CLEC14A: variants seen among roughly 807,000 people sequenced by gnomAD.
CLEC14A encodes the protein C-type lectin domain containing 14A.
For missense variants in CLEC14A, 682 were observed against 659.9 expected, an observed-to-expected ratio of 1.03 and a Z score of -0.37; for synonymous variants, 349 against 292.0, an observed-to-expected ratio of 1.20 and a Z score of -1.99.
chr14:38,255,191 C>G lies in CLEC14A; in HGVS notation c.832G>C (p.Glu278Gln). The G allele has an allele frequency of 6.2e-7, 1 of 1,613,844 alleles. No homozygotes were observed. The highest frequency in any genetic ancestry group is 8.5e-7 in the Non-Finnish European group (1 of 1,180,028). Reference protein sequence around the residue: ...GFACECATGFELGKDGRSCVT... With the variant: ...GFACECATGFQLGKDGRSCVT... ...CAAGAGCGGCCGTCCTTCCCCAGCT[C>G]GAAGCCCGTAGCACATTCGCAGGCA... The change falls in exon 1 of 1, where the codon GAG becomes CAG. Residue 278 changes from glutamate to glutamine, a missense_variant. Transcript: ENST00000342213. This position sits in a 1 kb window ranked among gnomAD's most constrained non-coding sequence, Gnocchi z 5.1.
At position 38,254,312 on chromosome 14, in the gene CLEC14A, ATATCTCTCCCCAGCAC is replaced by A. The variant is rs1423272352; in HGVS notation, c.*222_*237del. ...AAATTCTCCGAATAAACATAAGAAA[ATATCTCTCCCCAGCAC>A]TACCCGGTCCCCCAGTATCACCATC... On this transcript the variant is annotated 3_prime_UTR_variant, in exon 1 of 1. Coordinates refer to ENST00000342213, the MANE Select transcript of CLEC14A (RefSeq NM_175060.3). 16 of 399,906 alleles carry A rather than the reference ATATCTCTCCCCAGCAC, an allele frequency of 4.0e-5. No homozygotes were observed. Among genetic ancestry groups the A allele is most frequent in the Non-Finnish European group, 6.6e-5 (15 of 226,318 alleles). The allele number at this position is 399,906 out of a possible 1,614,324, so 24.8% of individuals were successfully genotyped here.
At position 38,255,032 on chromosome 14, in the gene CLEC14A, G is replaced by A. The variant is rs370505658; in HGVS notation, c.991C>T (p.Pro331Ser). 26 of 1,613,712 alleles carry A rather than the reference G, an allele frequency of 1.6e-5. No homozygotes were observed. The highest frequency in any genetic ancestry group is 1.1e-4 in the East Asian group (5 of 44,864). Residue 331 changes from proline (P) to serine (S), a missense_variant, in exon 1 of 1, where the codon CCA becomes TCA. Transcript: ENST00000342213. The surrounding 1 kb of genome is among the most constrained non-coding windows in gnomAD (Gnocchi z 5.1). ...IRVDEKLGET[P>S]LVPEQDNSVT... ...GAATTGTCTTGTTCAGGGACAAGTG[G>A]TGTCTCTCCCAGCTTCTCGTCGACC...
In CLEC14A at chr14:38,255,917, C is replaced by T. The variant is rs1884048142; in HGVS notation, c.106G>A (p.Ala36Thr). The change falls in exon 1 of 1, where the codon GCC becomes ACC. Residue 36 changes from alanine to threonine, a missense_variant. By Grantham distance (58) the Ala-to-Thr change is moderately conservative. Transcript: ENST00000342213. The surrounding 1 kb of genome is among the most constrained non-coding windows in gnomAD (Gnocchi z 5.1). Reference protein sequence around the residue: ...ADRAGCSASGACYSLHHATMK... With the variant: ...ADRAGCSASGTCYSLHHATMK... Reference sequence around the variant, plus strand: ...GTAGCGTGGTGCAGGCTGTAGCAGGCCCCCGAGGCCGAGCAGCCAGCACGG... The same window carrying T: ...GTAGCGTGGTGCAGGCTGTAGCAGGTCCCCGAGGCCGAGCAGCCAGCACGG... 6.4e-7 allele frequency: 1 copy of T among 1,565,800 alleles called. No homozygotes were observed. Among genetic ancestry groups the T allele is most frequent in the East Asian group, 2.4e-5 (1 of 42,446 alleles).
In CLEC14A at chr14:38,255,681, G is replaced by A. The variant is rs1458805792; in HGVS notation, c.342C>T (p.Ser114=). Residue 114 remains serine (S), a synonymous_variant, in exon 1 of 1, where the codon TCC becomes TCT. Transcript: ENST00000342213. The surrounding 1 kb of genome is among the most constrained non-coding windows in gnomAD (Gnocchi z 5.1). The part of the protein sequence containing the change: ...TLENEPLRGF[S]WLSSDPGGLE... ...GACCGCCGGGGTCGGAGGACAGCCA[G>A]GAGAAACCCCGCAAAGGCTCGTTCT... is the stretch of plus-strand genomic sequence containing the variant. 6.3e-7 allele frequency: 1 copy of A among 1,593,768 alleles called. No homozygotes were observed. The highest frequency in any genetic ancestry group is 8.5e-7 in the Non-Finnish European group (1 of 1,172,978).
rs759225727 is a variant in CLEC14A, at chr14:38,254,676, G to A, written c.1347C>T (p.Pro449=). ...GTGCAGAACTGGAGCCCAAAGCAGC[G>A]GGCTCAGGATCACTCTCCAGGCCCG... ...GPPGLESDPE[P]AALGSSSAHC... The change falls in exon 1 of 1, where the codon CCC becomes CCT. Residue 449 remains proline, a synonymous_variant. Coordinates refer to ENST00000342213, the MANE Select transcript of CLEC14A (RefSeq NM_175060.3). The A allele has an allele frequency of 1.9e-6, 3 of 1,614,146 alleles. No individual in the cohort carries two copies. Among genetic ancestry groups the A allele is most frequent in the East Asian group, 2.2e-5 (1 of 44,878 alleles).
In CLEC14A at chr14:38,254,730, G is replaced by C. The variant is rs977270113; in HGVS notation, c.1293C>G (p.Ser431=). The change falls in exon 1 of 1, where the codon TCC becomes TCG. Residue 431 remains serine, a synonymous_variant. Transcript: ENST00000342213. The stretch of plus-strand genomic sequence containing the variant: ...GGCCCATAGACTCCTTCCTTGGCTG[G>C]GAAGAGGGGCTTTCGTGAAAGCAGA... ...VKLCFHESPS[S]QPRKESMGPP... 6.2e-7 allele frequency: 1 copy of C among 1,613,966 alleles called. No individual in the cohort carries two copies. The highest frequency in any genetic ancestry group is 1.3e-5 in the African/African-American group (1 of 74,904).
Position 38,256,028 on chromosome 14 carries a change from G to A in CLEC14A, c.-6C>T. The A allele has an allele frequency of 6.6e-7, 1 of 1,516,980 alleles. No individual in the cohort carries two copies. The highest frequency in any genetic ancestry group is 8.8e-7 in the Non-Finnish European group (1 of 1,133,508). 94.0% of individuals were successfully genotyped at this position (1,516,980 alleles called of 1,614,324 possible). A position where few individuals can be genotyped will look rare whatever the true frequency, so the allele number is the denominator to read the frequency against. On this transcript the variant is annotated 5_prime_UTR_variant, in exon 1 of 1. Coordinates refer to ENST00000342213, the MANE Select transcript of CLEC14A (RefSeq NM_175060.3). ...AGGGCGAACGCCGGCCTCATTCTCT[G>A]AGGCCCCGCACGCAGAGCTGCTCCC...
In CLEC14A at chr14:38,255,952, G is replaced by A. The variant is rs775176720; in HGVS notation, c.71C>T (p.Pro24Leu). The A allele has an allele frequency of 1.3e-3, 2,064 of 1,556,692 alleles. 5 individuals are homozygous for A. The highest frequency in any genetic ancestry group is 1.6e-3 in the Non-Finnish European group (1,807 of 1,153,640). The change falls in exon 1 of 1, where the codon CCC becomes CTC. Residue 24 changes from proline to leucine, a missense_variant. By Grantham distance (98) the Pro-to-Leu change is moderately conservative. Coordinates refer to ENST00000342213, the MANE Select transcript of CLEC14A (RefSeq NM_175060.3). The surrounding 1 kb of genome is among the most constrained non-coding windows in gnomAD (Gnocchi z 5.1). ...CGAGCAGCCAGCACGGTCGGCAGTG[G>A]GGTGTTCGCCGCCGCCCGGCCCGGG... is the stretch of plus-strand genomic sequence containing the variant. ...LWPGPGGGEH[P>L]TADRAGCSAS...
chr14:38,255,206 A>G lies in CLEC14A; in HGVS notation c.817T>C (p.Cys273Arg). The G allele has an allele frequency of 6.2e-7, 1 of 1,613,912 alleles. No individual in the cohort carries two copies. The change falls in exon 1 of 1, where the codon TGT becomes CGT. Residue 273 changes from cysteine (C) to arginine (R), a missense_variant. By Grantham distance (180) the Cys-to-Arg change is radical. Transcript: ENST00000342213. This position sits in a 1 kb window ranked among gnomAD's most constrained non-coding sequence, Gnocchi z 5.1. ...TTCCCCAGCTCGAAGCCCGTAGCACATTCGCAGGCAAAGCCTCCCAAGTCG... is the reference window on the plus strand; with the variant it reads ...TTCCCCAGCTCGAAGCCCGTAGCACGTTCGCAGGCAAAGCCTCCCAAGTCG... Reference protein sequence around the residue: ...LDDLGGFACECATGFELGKDG... With the variant: ...LDDLGGFACERATGFELGKDG...
chr14:38,255,813 C>A lies in CLEC14A; in HGVS notation c.210G>T (p.Leu70=). ...ALSTVRAGAE[L]RAVLALLRAG... ...CCCGCAGGAGCGCGAGCACAGCGCG[C>A]AGCTCGGCGCCCGCACGCACGGTGC... The change falls in exon 1 of 1, where the codon CTG becomes CTT. Residue 70 remains leucine, a synonymous_variant. Transcript: ENST00000342213. This position sits in a 1 kb window ranked among gnomAD's most constrained non-coding sequence, Gnocchi z 5.1. 4 of 1,539,544 alleles carry A rather than the reference C, an allele frequency of 2.6e-6. No individual in the cohort carries two copies. The highest frequency in any genetic ancestry group is 3.5e-6 in the Non-Finnish European group (4 of 1,147,760).
chr14:38,255,158 T>G lies in CLEC14A; in HGVS notation c.865A>C (p.Ser289Arg). 6.2e-7 allele frequency: 1 copy of G among 1,613,472 alleles called. No homozygotes were observed. Among genetic ancestry groups the G allele is most frequent in the Non-Finnish European group, 8.5e-7 (1 of 1,180,002 alleles). ...LGKDGRSCVT[S>R]GEGQPTLGGT... ...CCAAGGGTCGGCTGTCCTTCCCCACTGGTCACACAAGAGCGGCCGTCCTTC... is the reference window on the plus strand; with the variant it reads ...CCAAGGGTCGGCTGTCCTTCCCCACGGGTCACACAAGAGCGGCCGTCCTTC... The change falls in exon 1 of 1, where the codon AGT (serine) becomes CGT (arginine). Residue 289 changes from serine (S) to arginine (R), a missense_variant. Physicochemically the swap from Ser to Arg is moderately radical, Grantham distance 110. Transcript: ENST00000342213. This position sits in a 1 kb window ranked among gnomAD's most constrained non-coding sequence, Gnocchi z 5.1.
chr14:38,255,573 AC>A lies in CLEC14A; in HGVS notation c.449del (p.Gly150ValfsTer41). ...ARRCAVLQAT[G>X]GVEPAGWKEM... ...CCTTCCAGCCTGCGGGCTCGACCCC[AC>A]CGGTGGCCTGGAGTACCGCGCATCT... On this transcript the variant is annotated frameshift_variant, in exon 1 of 1. Transcript: ENST00000342213. LOFTEE classifies it low-confidence loss of function (END_TRUNC). The surrounding 1 kb of genome is among the most constrained non-coding windows in gnomAD (Gnocchi z 5.1). The A allele has an allele frequency of 1.2e-6, 2 of 1,612,854 alleles. No individual in the cohort carries two copies. The highest frequency in any genetic ancestry group is 1.7e-6 in the Non-Finnish European group (2 of 1,179,948).
In CLEC14A at chr14:38,255,256, C is replaced by T. The variant is rs760232515; in HGVS notation, c.767G>A (p.Cys256Tyr). The change falls in exon 1 of 1, where the codon TGC becomes TAC. Residue 256 changes from cysteine to tyrosine, a missense_variant. Coordinates refer to ENST00000342213, the MANE Select transcript of CLEC14A (RefSeq NM_175060.3). This position sits in a 1 kb window ranked among gnomAD's most constrained non-coding sequence, Gnocchi z 5.1. ...CPGRYLRAGK[C>Y]AELPNCLDDL... ...GTCTAGGCAGTTAGGGAGCTCTGCGCATTTGCCAGCACGGAGGTACCTCCC... is the reference window on the plus strand; with the variant it reads ...GTCTAGGCAGTTAGGGAGCTCTGCGTATTTGCCAGCACGGAGGTACCTCCC... 3 of 1,613,870 alleles carry T rather than the reference C, an allele frequency of 1.9e-6. No individual in the cohort carries two copies. The East Asian group carries it at 6.7e-5, about 36-fold the overall frequency.
rs1883997900 is a variant in CLEC14A at position 38,254,445 on chromosome 14, G to C, written c.*105C>G. The C allele has an allele frequency of 1.8e-6, 2 of 1,105,044 alleles. No individual in the cohort carries two copies. Among genetic ancestry groups the C allele is most frequent in the South Asian group, 3.3e-5 (2 of 61,090 alleles). 68.5% of individuals were successfully genotyped at this position (1,105,044 alleles called of 1,614,324 possible). On this transcript the variant is annotated 3_prime_UTR_variant, in exon 1 of 1. Coordinates refer to ENST00000342213, the MANE Select transcript of CLEC14A (RefSeq NM_175060.3). ...GGAGTAAAGGGAATTTAGAGGAAGGGGGATTTCTGCAGAAATTGTCAGTTA... is the reference window on the plus strand; with the variant it reads ...GGAGTAAAGGGAATTTAGAGGAAGGCGGATTTCTGCAGAAATTGTCAGTTA...
Position 38,254,350 on chromosome 14 carries a change from C to A in CLEC14A, c.*200G>T. ...GCACTACCCGGTCCCCCAGTATCAC[C>A]ATCCTAAAGGCACTTCCACTTCCTC... is the stretch of plus-strand genomic sequence containing the variant. On this transcript the variant is annotated 3_prime_UTR_variant, in exon 1 of 1. Transcript: ENST00000342213. 2.1e-6 allele frequency: 1 copy of A among 481,218 alleles called. No individual in the cohort carries two copies. Among genetic ancestry groups the A allele is most frequent in the South Asian group, 4.9e-5 (1 of 20,400 alleles). The allele number at this position is 481,218 out of a possible 1,614,324, so 29.8% of individuals were successfully genotyped here.
In CLEC14A at chr14:38,255,531, C is replaced by G. The variant is rs1017385112; in HGVS notation, c.492G>C (p.Leu164=). 7 of 1,613,148 alleles carry G rather than the reference C, an allele frequency of 4.3e-6. No homozygotes were observed. The African/African-American group carries it at 9.3e-5, about 22-fold the overall frequency. Reference sequence around the variant, plus strand: ...ACTTGCACAGGTAGCCGTTGGCGCGCAGGTGGCATCGCATCTCCTTCCAGC... The same window carrying G: ...ACTTGCACAGGTAGCCGTTGGCGCGGAGGTGGCATCGCATCTCCTTCCAGC... ...PAGWKEMRCH[L]RANGYLCKYQ... Residue 164 remains leucine (L), a synonymous_variant, in exon 1 of 1, where the codon CTG becomes CTC. Coordinates refer to ENST00000342213, the MANE Select transcript of CLEC14A (RefSeq NM_175060.3). The surrounding 1 kb of genome is among the most constrained non-coding windows in gnomAD (Gnocchi z 5.1).
Position 38,255,393 on chromosome 14 carries a change from G to C in CLEC14A, c.630C>G (p.Thr210=), listed in dbSNP as rs1320356608. ...SAALDFSPPG[T]EVSALCRGQL... is the part of the protein sequence containing the mutation. ...GTCCCCGGCAGAGCGCACTCACCTC[G>C]GTCCCAGGTGGACTGAAGTCCAGAG... Residue 210 remains threonine (T), a synonymous_variant, in exon 1 of 1, where the codon ACC becomes ACG. Coordinates refer to ENST00000342213, the MANE Select transcript of CLEC14A (RefSeq NM_175060.3). This position sits in a 1 kb window ranked among gnomAD's most constrained non-coding sequence, Gnocchi z 5.1. 2 of 1,613,468 alleles carry C rather than the reference G, an allele frequency of 1.2e-6. No individual in the cohort carries two copies. The highest frequency in any genetic ancestry group is 1.7e-5 in the Admixed American group (1 of 60,022).
In CLEC14A at chr14:38,254,552, A is replaced by G; in HGVS notation, c.1471T>C (p.Ter491GlnextTer45). ...GAGTGCCCATGTCCCCTGTTTCCCT[A>G]TGCATCACTAGAGCCAAGAGGGGAC... is the stretch of plus-strand genomic sequence containing the variant. ...AESPLGSSDA[*>Q] The change falls in exon 1 of 1, where the codon TAG (stop) becomes CAG (glutamine). Residue 491 changes from the stop codon to glutamine, a stop_lost. Coordinates refer to ENST00000342213, the MANE Select transcript of CLEC14A (RefSeq NM_175060.3). The G allele has an allele frequency of 1.3e-6, 2 of 1,561,100 alleles. No individual in the cohort carries two copies. The highest frequency in any genetic ancestry group is 1.7e-6 in the Non-Finnish European group (2 of 1,152,600).
chr14:38,255,488 ACAAGACCT>A lies in CLEC14A; in HGVS notation c.527_534del (p.Glu176ValfsTer11). ...GCGGCCCCGGGGCGCGGCGCAGGAC[ACAAGACCT>A]CAAACTGGTACTTGCACAGGTAGCC... On this transcript the variant is annotated frameshift_variant, in exon 1 of 1. Coordinates refer to ENST00000342213, the MANE Select transcript of CLEC14A (RefSeq NM_175060.3). LOFTEE classifies it low-confidence loss of function (END_TRUNC). The surrounding 1 kb of genome is among the most constrained non-coding windows in gnomAD (Gnocchi z 5.1). 6.2e-7 allele frequency: 1 copy of A among 1,613,114 alleles called. No individual in the cohort carries two copies. Among genetic ancestry groups the A allele is most frequent in the Non-Finnish European group, 8.5e-7 (1 of 1,179,978 alleles).
Sources: gnomAD v4.1 joint callset for allele counts on GRCh38, gnomAD v4.1.1 for gene constraint, Gnocchi (gnomAD v3.1) non-coding constraint, MANE v1.5 for transcripts, NCBI Gene and HGNC (gene_info 2026-07-23, HGNC 2026-07-21) for gene names.